The following CHD8 variants were observed in gnomAD, a reference collection of about 807,000 sequenced individuals.
The protein encoded by CHD8 is chromodomain helicase DNA binding protein 8.
In CHD8, 31 loss-of-function variants were observed where a neutral mutation model predicts 279.2. That is an observed-to-expected ratio of 0.11 (90% CI 0.08 to 0.15). The LOEUF (loss-of-function observed/expected upper bound fraction) is 0.15. CHD8 is among the 10% of genes least tolerant of loss of function. The pLI, the probability that CHD8 is intolerant of heterozygous loss-of-function variation, is 1.00. For synonymous variants in CHD8, 1,081 were observed against 1,139.6 expected (o/e 0.95, Z 1.04); for missense variants, 2,146 against 3,230.5 (o/e 0.66, Z 8.14).
chr14:21,450,199 G>A (rs563539457), intron 1 of CHD8, among the ~76,000 whole-genome samples: 2 of 152,272 alleles, frequency 1.3e-5, no homozygotes, highest in South Asian at 2.1e-4. Context: ...TGTTTACTTA[G>A]ATAGATGTAT....
rs772226350 is a variant in CHD8 at position 21,414,295 on chromosome 14, A to C, written c.2142+6T>G. 5.1e-6 allele frequency: 7 copies of C among 1,367,368 alleles called. No homozygotes were observed. Among genetic ancestry groups the C allele is most frequent in the Non-Finnish European group, 7.2e-6 (7 of 974,294 alleles). 84.7% of individuals were successfully genotyped at this position (1,367,368 alleles called of 1,614,324 possible). ...GAAATGACAGGCAATACCTATTCCTAATTACCTCATGGAAGAAGTGTCTCA... is the reference window on the plus strand; with the variant it reads ...GAAATGACAGGCAATACCTATTCCTCATTACCTCATGGAAGAAGTGTCTCA... On this transcript the variant is annotated splice_donor_region_variant and intron_variant, in intron 9 of 37. Transcript: ENST00000646647.
At chr14:21,429,466 T>C (rs773369666) in intron 2 of CHD8, 131 bp from the exon 3 acceptor site, 4 of 926,642 alleles carry the variant, frequency 4.3e-6, no homozygotes, top group African/African-American at 3.2e-5. Flanking sequence ...ACTCACTTTG[T>C]TCATCATCCT....
intron 33 of CHD8, 34 bp from the exon 34 acceptor site, chr14:21,392,843 A>G (rs763827337): frequency 6.3e-7 from 1 of 1,598,936 alleles, no homozygotes; most frequent in Non-Finnish European, 8.6e-7. Context: ...CCATTTTAAG[A>G]GTCTGAGTAC....
At chr14:21,431,944 A>G (rs1413222295) in intron 1 of CHD8, 86 bp from the exon 2 acceptor site, 15 of 796,454 alleles carry the variant, frequency 1.9e-5, no homozygotes, top group East Asian at 1.3e-4. Context: ...ACTGTTCTTA[A>G]TATCAAATAG....
chr14:21,449,227 C>A (rs1163807632), intron 1 of CHD8, among the ~76,000 whole-genome samples: 2 of 152,160 alleles, frequency 1.3e-5, no homozygotes, highest in East Asian at 3.9e-4. Flanking sequence ...ATAAATGGGG[C>A]TTTGAAGTCA....
At chr14:21,396,876 A>G (rs1293272863) in intron 27 of CHD8, 1 of 153,910 alleles carries the variant, frequency 6.5e-6, no homozygotes, top group Middle Eastern at 3.3e-3. Flanking sequence ...TGCCTGGCCT[A>G]GTATTTAATT....
chr14:21,454,162 A>AAAAAGAAAAG (rs60147341), intron 1 of CHD8, among the ~76,000 whole-genome samples: 22,895 of 126,850 alleles, frequency 0.18, 2,376 homozygotes, highest in Middle Eastern at 0.28. Flanking sequence ...CGTCTCAAAA[A>AAAAAGAAAAG]AAAAGAAAAG....
At chr14:21,429,802 C>T (rs1303441771) in intron 2 of CHD8, 3 of 220,674 alleles carry the variant, frequency 1.4e-5, no homozygotes, top group African/African-American at 6.8e-5. Context: ...GCCACCATGC[C>T]CAGCTAATTT....
At chr14:21,396,099 C>T (rs1380463301) in intron 27 of CHD8, among the ~76,000 whole-genome samples, 5 of 152,134 alleles carry the variant, frequency 3.3e-5, no homozygotes, top group Non-Finnish European at 7.4e-5. Flanking sequence ...TGGACTCAAG[C>T]GATCCTCCTC....
At chr14:21,397,368 G>A (rs775493738) in intron 27 of CHD8, 7 of 518,672 alleles carry the variant, frequency 1.3e-5, no homozygotes, top group South Asian at 8.4e-5. Context: ...CCTACCTGGT[G>A]GCTCAGTATT....
Position 21,408,594 on chromosome 14 carries a change from T to C in CHD8, c.2487-39A>G, listed in dbSNP as rs1303768590. The C allele has an allele frequency of 3.8e-6, 6 of 1,580,360 alleles. No individual in the cohort carries two copies. The highest frequency in any genetic ancestry group is 2.3e-5 in the East Asian group (1 of 43,448). On this transcript the variant is annotated intron_variant, in intron 12 of 37. Transcript: ENST00000646647. This position sits in a 1 kb window ranked among gnomAD's most constrained non-coding sequence, Gnocchi z 4.3. ...ATGGGAAAAAAAAAATGTTAAAAGA[T>C]ACTATCTTTAAAAAAAATAGAGTAT...
At chr14:21,446,797 A>G (rs1485978543) in intron 1 of CHD8, among the ~76,000 whole-genome samples, 1 of 152,230 alleles carries the variant, frequency 6.6e-6, no homozygotes, top group African/African-American at 2.4e-5. Context: ...ACTATGCTCT[A>G]GGTTACATGC....
chr14:21,428,331 G>A (rs1889415529), intron 3 of CHD8, 77 bp from the exon 4 acceptor site: 1 of 1,376,684 alleles, frequency 7.3e-7, no homozygotes, highest in Admixed American at 2.0e-5. Context: ...CTGAAGCAGG[G>A]GGGCTAGAAA....
rs766456518 is a variant in CHD8 at position 21,405,192 on chromosome 14, A to G, written c.3307+17T>C. On this transcript the variant is annotated intron_variant, in intron 16 of 37. Coordinates refer to ENST00000646647, the MANE Select transcript of CHD8 (RefSeq NM_001170629.2). This position sits in a 1 kb window ranked among gnomAD's most constrained non-coding sequence, Gnocchi z 4.2. ...AGGTACTACAGAAGTTCAGGTATAT[A>G]CCAAGCATTCCCTCACCATTGATGA... is the stretch of plus-strand genomic sequence containing the variant. 6.2e-7 allele frequency: 1 copy of G among 1,612,718 alleles called. No homozygotes were observed. Among genetic ancestry groups the G allele is most frequent in the Non-Finnish European group, 8.5e-7 (1 of 1,179,024 alleles).
chr14:21,401,769 GA>G (rs1282684311), intron 20 of CHD8, 187 bp downstream of exon 20: 31 of 600,996 alleles, frequency 5.2e-5, no homozygotes. Context: ...ATTTTTGGTA[GA>G]GATGAGGTTT....
At chr14:21,424,420 AT>A (rs1367670583) in intron 5 of CHD8, among the ~76,000 whole-genome samples, 11 of 151,280 alleles carry the variant, frequency 7.3e-5, no homozygotes, top group South Asian at 4.2e-4. Context: ...ATATTCTAAA[AT>A]TTTTTTTTGG....
intron 1 of CHD8, among the ~76,000 whole-genome samples, chr14:21,441,464 G>T (rs2139562093): frequency 6.6e-6 from 1 of 152,224 alleles, no homozygotes; most frequent in Non-Finnish European, 1.5e-5. Context: ...TTGTTTATTG[G>T]CCTTTTGCTA....
chr14:21,416,749 T>C (rs1353921714), intron 5 of CHD8: 1 of 152,184 alleles, frequency 6.6e-6, no homozygotes, highest in Non-Finnish European at 1.5e-5. Flanking sequence ...CATTTCTACA[T>C]ATAATCAGCC....
chr14:21,409,709 A>G (rs984339566), intron 11 of CHD8, 142 bp downstream of exon 11: 9 of 661,174 alleles, frequency 1.4e-5, no homozygotes, highest in African/African-American at 3.6e-5. Context: ...TACGTGGGTG[A>G]TGGGTACATT....
Sources: gnomAD v4.1 joint callset for allele counts (sites outside exome capture counted in the v4.1 genomes callset) on GRCh38, gnomAD v4.1.1 for gene constraint, Gnocchi (gnomAD v3.1) non-coding constraint, MANE v1.5 for transcripts, NCBI Gene and HGNC (gene_info 2026-07-23, HGNC 2026-07-21) for gene names.